Variants in OSBPL1A observed in about 807,000 individuals in gnomAD.
OSBPL1A encodes the protein oxysterol binding protein like 1A, also known as oxysterol-binding protein-related protein 1.
In OSBPL1A, 80 loss-of-function variants were observed where a neutral mutation model predicts 137.1. That is an observed-to-expected ratio of 0.58 (90% CI 0.49 to 0.70). The LOEUF (loss-of-function observed/expected upper bound fraction) is 0.70, where lower values mean the gene tolerates loss of function less well. Ranked by LOEUF, OSBPL1A falls within the 30% of genes least tolerant of loss-of-function variation. The pLI is 0.00. For missense variants in OSBPL1A, 970 were observed against 1,129.4 expected (o/e 0.86, Z 2.02); for synonymous variants, 365 against 389.7 (o/e 0.94, Z 0.75).
intron 4 of OSBPL1A, among the ~76,000 whole-genome samples, chr18:24,354,155 A>C (rs1470296699): frequency 2.0e-5 from 3 of 152,218 alleles, no homozygotes; most frequent in Non-Finnish European, 4.4e-5. Context: ...CTCAAGTTAA[A>C]ACTAACAGTA....
chr18:24,356,690 C>T (rs1301667836), intron 4 of OSBPL1A, among the ~76,000 whole-genome samples: 1 of 152,144 alleles, frequency 6.6e-6, no homozygotes, highest in Non-Finnish European at 1.5e-5. Flanking sequence ...GGCTACTCAC[C>T]CCCAGCCATG....
chr18:24,384,980 A>T lies in OSBPL1A; in HGVS notation c.-2-7445T>A, dbSNP rs1188592022. Reference sequence around the variant, plus strand: ...GAATTTTTTTTTTTTTTTGAGATGGAGTCTTGCTCTGTTGGCCAGGCTGGA... The same window carrying T: ...GAATTTTTTTTTTTTTTTGAGATGGTGTCTTGCTCTGTTGGCCAGGCTGGA... On this transcript the variant is annotated intron_variant, in intron 1 of 27. Coordinates refer to ENST00000319481, the MANE Select transcript of OSBPL1A (RefSeq NM_080597.4). Among the ~76,000 whole-genome samples the T allele has an allele frequency of 8.0e-4, 118 of 146,904 alleles. 1 individual carries two copies. Among genetic ancestry groups the T allele is most frequent in the African/African-American group, 2.7e-3 (108 of 39,768 alleles).
intron 1 of OSBPL1A, among the ~76,000 whole-genome samples, chr18:24,389,149 TCAG>T (rs1812557803): frequency 6.6e-6 from 1 of 152,238 alleles, no homozygotes; most frequent in African/African-American, 2.4e-5. Flanking sequence ...GCCATTTCTA[TCAG>T]CGCACATGGT....
intron 7 of OSBPL1A, among the ~76,000 whole-genome samples, chr18:24,332,670 T>C (rs1385167813): frequency 6.6e-6 from 1 of 151,582 alleles, no homozygotes; most frequent in Non-Finnish European, 1.5e-5. Context: ...CTAGGAACAA[T>C]AGTTCAGTGT....
intron 13 of OSBPL1A, among the ~76,000 whole-genome samples, chr18:24,308,282 A>AT (rs1279638436): frequency 1.3e-5 from 2 of 149,586 alleles, no homozygotes; most frequent in Non-Finnish European, 3.0e-5. Flanking sequence ...CGTCCAGCTA[A>AT]TTTTTGTATT....
intron 15 of OSBPL1A, among the ~76,000 whole-genome samples, chr18:24,251,595 G>A (rs1376924861): frequency 6.6e-6 from 1 of 152,156 alleles, no homozygotes; most frequent in Admixed American, 6.5e-5. Flanking sequence ...GCCTTCTCAA[G>A]AAGGACAGGC....
In OSBPL1A at chr18:24,164,757, T is replaced by C. The variant is rs182446321; in HGVS notation, c.2750+308A>G. 2.0e-5 allele frequency among the ~76,000 whole-genome samples: 3 copies of C among 152,064 alleles called. No individual in the cohort carries two copies. The East Asian group carries it at 5.8e-4, about 29-fold the overall frequency. ...ATTTCTTAAAAAAACTTAACTACCA[T>C]AGGATCCGGCACTCCCACTACTGGG... On this transcript the variant is annotated intron_variant, in intron 27 of 27. Coordinates refer to ENST00000319481, the MANE Select transcript of OSBPL1A (RefSeq NM_080597.4).
At chr18:24,383,211 G>A (rs1234573432) in intron 1 of OSBPL1A, among the ~76,000 whole-genome samples, 3 of 152,050 alleles carry the variant, frequency 2.0e-5, no homozygotes, top group African/African-American at 7.2e-5. Flanking sequence ...TTATCACAGG[G>A]GATTTTTAAA....
chr18:24,332,860 T>C (rs770186543), intron 7 of OSBPL1A, 82 bp downstream of exon 7: 91 of 1,525,654 alleles, frequency 6.0e-5, no homozygotes, highest in East Asian at 4.5e-5. Context: ...GGCTGGATAC[T>C]GAAACAAAAC....
chr18:24,357,570 C>G (rs896755171), intron 4 of OSBPL1A: 1 of 152,088 alleles, frequency 6.6e-6, no homozygotes, highest in Non-Finnish European at 1.5e-5. Flanking sequence ...AAGGGGGAGG[C>G]AGGTTTGCAT....
chr18:24,277,987 C>CT (rs1266164562), intron 15 of OSBPL1A, among the ~76,000 whole-genome samples: 1 of 152,212 alleles, frequency 6.6e-6, no homozygotes, highest in African/African-American at 2.4e-5. Context: ...CTAACATACT[C>CT]TATATATGTA....
At chr18:24,190,256 A>C (rs978013990) in intron 18 of OSBPL1A, among the ~76,000 whole-genome samples, 4 of 149,360 alleles carry the variant, frequency 2.7e-5, no homozygotes, top group African/African-American at 7.4e-5. Flanking sequence ...TTTTTCCTAG[A>C]AACTGGCAAG....
At chr18:24,310,831 T>G (rs1453051949) in intron 13 of OSBPL1A, among the ~76,000 whole-genome samples, 2 of 152,200 alleles carry the variant, frequency 1.3e-5, no homozygotes, top group Admixed American at 6.5e-5. Flanking sequence ...GAATACCAAC[T>G]GAAAGTTAAA....
intron 4 of OSBPL1A, among the ~76,000 whole-genome samples, chr18:24,353,276 T>C (rs2091474755): frequency 6.6e-6 from 1 of 152,204 alleles, no homozygotes; most frequent in Non-Finnish European, 1.5e-5. Context: ...CAGACACTTC[T>C]AAAAAGAAGA....
rs904084360 is a variant in OSBPL1A, at chr18:24,211,155, C to T, written c.1601+13887G>A. Among the ~76,000 whole-genome samples the T allele has an allele frequency of 2.6e-5, 4 of 151,854 alleles. No homozygotes were observed. In the South Asian group the frequency reaches 8.3e-4, roughly 32 times the overall value. On this transcript the variant is annotated intron_variant, in intron 17 of 27. Transcript: ENST00000319481. ...TAATTTTTTGTATTTTTAGTAGAGA[C>T]AGGGTTTCACCAGGTTGGCCAGGCT...
At chr18:24,313,816 A>G (rs1415387821) in intron 12 of OSBPL1A, among the ~76,000 whole-genome samples, 1 of 152,228 alleles carries the variant, frequency 6.6e-6, no homozygotes, top group Non-Finnish European at 1.5e-5. Context: ...AAAAAGTACA[A>G]TCAGGCCAGG....
chr18:24,269,184 T>C (rs187862100), intron 15 of OSBPL1A, among the ~76,000 whole-genome samples: 2 of 152,306 alleles, frequency 1.3e-5, no homozygotes, highest in African/African-American at 4.8e-5. Flanking sequence ...AGGCCTGTGC[T>C]CCTCTCTAAT....
intron 4 of OSBPL1A, among the ~76,000 whole-genome samples, chr18:24,354,492 A>G (rs2091497537): frequency 6.6e-6 from 1 of 152,172 alleles, no homozygotes; most frequent in African/African-American, 2.4e-5. Context: ...AACTGAAGGA[A>G]GGTGAAGCCT....
intron 17 of OSBPL1A, among the ~76,000 whole-genome samples, chr18:24,199,096 T>C (rs963073755): frequency 6.6e-6 from 1 of 151,990 alleles, no homozygotes; most frequent in African/African-American, 2.4e-5. Context: ...TTACATGCAG[T>C]GATCCACCCA....
Sources: allele counts gnomAD v4.1 joint callset (sites outside exome capture counted in the v4.1 genomes callset), GRCh38; gene constraint gnomAD v4.1.1; transcripts MANE v1.5; gene names NCBI Gene and HGNC (gene_info 2026-07-23, HGNC 2026-07-21).